The following DTNA variants were observed in gnomAD, a reference collection of about 807,000 sequenced individuals.
The protein encoded by DTNA is dystrobrevin alpha, also known as dystrophin-related protein 3.
A neutral mutation model predicts 100.7 loss-of-function variants in DTNA; 43 were observed. The observed-to-expected ratio is 0.43, with a 90% CI of 0.33 to 0.55. The LOEUF (loss-of-function observed/expected upper bound fraction) is 0.55. DTNA is among the 20% of genes least tolerant of loss of function. DTNA has a pLI of 0.04. For missense variants in DTNA, 798 were observed against 953.9 expected (o/e 0.84, Z 2.15); for synonymous variants, 349 against 347.9 (o/e 1.00, Z -0.04).
intron 3 of DTNA, among the ~76,000 whole-genome samples, chr18:34,782,308 A>G: frequency 6.6e-6 from 1 of 152,182 alleles, no homozygotes; most frequent in Non-Finnish European, 1.5e-5. Flanking sequence ...TATCTTCTGG[A>G]GAAACTGATG....
At position 34,888,862 on chromosome 18, in the gene DTNA, T is replaced by G; in HGVS notation, c.*1128T>G. ...TGCGCTTGCAAACGTTTGCTCTCCT[T>G]TTTTTCTGAATGTTGATTGCCTTAG... is the stretch of plus-strand genomic sequence containing the variant. On this transcript the variant is annotated 3_prime_UTR_variant, in exon 23 of 23. Transcript: ENST00000444659. 2.0e-6 allele frequency: 2 copies of G among 985,894 alleles called. No individual in the cohort carries two copies. The highest frequency in any genetic ancestry group is 2.4e-6 in the Non-Finnish European group (2 of 829,954). 61.1% of individuals were successfully genotyped at this position (985,894 alleles called of 1,614,324 possible).
Position 34,609,742 on chromosome 18 carries a change from C to T in DTNA, c.-2+116228C>T, listed in dbSNP as rs1182249950. ...CTACTTGCCTGTGATTTTGGACTCA[C>T]GTGATAACTGTCTAGTGTTCTACTG... On this transcript the variant is annotated intron_variant, in intron 1 of 19. Coordinates refer to the DTNA transcript ENST00000283365. Among the ~76,000 whole-genome samples the T allele has an allele frequency of 6.6e-5, 10 of 152,026 alleles. 1 individual carries two copies. Among genetic ancestry groups the T allele is most frequent in the Admixed American group, 6.6e-4 (10 of 15,246 alleles).
At chr18:34,838,663 CA>C in intron 12 of DTNA, 81 bp from the exon 13 acceptor site, 3 of 1,249,026 alleles carry the variant, frequency 2.4e-6, no homozygotes, top group Non-Finnish European at 2.4e-6. Context: ...CCTTTTCTAC[CA>C]AAAACTCACT....
intron 13 of DTNA, among the ~76,000 whole-genome samples, chr18:34,846,468 G>A (rs1004606389): frequency 2.2e-4 from 33 of 152,262 alleles, no homozygotes; most frequent in African/African-American, 7.2e-4. Context: ...GGAAAGAGAA[G>A]CCTCTTTTTC....
At chr18:34,858,244 C>A in intron 15 of DTNA, 41 bp from the exon 16 acceptor site, 1 of 1,583,514 alleles carries the variant, frequency 6.3e-7, no homozygotes, top group Non-Finnish European at 8.7e-7. Context: ...TTCCTGAAAG[C>A]TAACTAACCT....
chr18:34,676,850 GA>G (rs2077462843), intron 1 of DTNA, among the ~76,000 whole-genome samples: 1 of 152,152 alleles, frequency 6.6e-6, no homozygotes, highest in South Asian at 2.1e-4. Context: ...GAGAGGGAGA[GA>G]ATGGAGAAAG....
intron 1 of DTNA, among the ~76,000 whole-genome samples, chr18:34,632,725 T>C (rs2058220485): frequency 6.6e-6 from 1 of 152,218 alleles, no homozygotes; most frequent in African/African-American, 2.4e-5. Flanking sequence ...TACAGAAATC[T>C]TAATTTTAAT....
chr18:34,553,029 C>T (rs1485270896), intron 1 of DTNA, among the ~76,000 whole-genome samples: 2 of 150,884 alleles, frequency 1.3e-5, no homozygotes, highest in Non-Finnish European at 3.0e-5. Flanking sequence ...CCACATCCTC[C>T]CCAGCACCTG....
chr18:34,790,569 T>A (rs866936257), intron 3 of DTNA, among the ~76,000 whole-genome samples: 15 of 102,366 alleles, frequency 1.5e-4, no homozygotes, highest in African/African-American at 7.1e-4. Context: ...ATATATATAT[T>A]TTTTTTTTTT....
At chr18:34,603,395 T>G (rs531056313) in intron 1 of DTNA, among the ~76,000 whole-genome samples, 40 of 151,748 alleles carry the variant, frequency 2.6e-4, no homozygotes, top group African/African-American at 8.0e-4. Context: ...GCACTTTATT[T>G]TCATTCTCTT....
chr18:34,533,846 G>A (rs1601575361), intron 1 of DTNA, among the ~76,000 whole-genome samples: 2 of 152,052 alleles, frequency 1.3e-5, no homozygotes, highest in African/African-American at 4.8e-5. Context: ...TATGACAATC[G>A]TTCTAAAAAT....
chr18:34,836,615 T>TCCAGC (rs1480216405), intron 11 of DTNA, among the ~76,000 whole-genome samples: 14 of 131,394 alleles, frequency 1.1e-4, no homozygotes, highest in Non-Finnish European at 2.0e-4. Flanking sequence ...ACCACTGCAC[T>TCCAGC]CCAGCCTGTG....
intron 1 of DTNA, among the ~76,000 whole-genome samples, chr18:34,639,886 A>T (rs1302872027): frequency 6.6e-6 from 1 of 152,248 alleles, no homozygotes; most frequent in African/African-American, 2.4e-5. Context: ...TAACAACAGC[A>T]GAAGTTGCAA....
At position 34,888,810 on chromosome 18, in the gene DTNA, T is replaced by G; in HGVS notation, c.*1076T>G. 3.0e-6 allele frequency: 3 copies of G among 985,890 alleles called. No individual in the cohort carries two copies. The highest frequency in any genetic ancestry group is 3.6e-6 in the Non-Finnish European group (3 of 829,948). 61.1% of individuals were successfully genotyped at this position (985,890 alleles called of 1,614,324 possible). On this transcript the variant is annotated 3_prime_UTR_variant, in exon 23 of 23. Coordinates refer to ENST00000444659, the MANE Select transcript of DTNA (RefSeq NM_001386795.1). ...TCCCCCATCAAGTTGTTTGGAGGCC[T>G]TCAGCTTTAAATGTACAGGCTTAAA... is the stretch of plus-strand genomic sequence containing the variant.
chr18:34,642,199 A>G (rs114053858), intron 1 of DTNA, among the ~76,000 whole-genome samples: 1,729 of 152,260 alleles, frequency 0.011, 31 homozygotes, highest in African/African-American at 0.04. Context: ...CCTCTAGGGC[A>G]TCCTAGAGCC....
intron 1 of DTNA, among the ~76,000 whole-genome samples, chr18:34,494,538 G>T (rs1410046729): frequency 1.3e-5 from 2 of 152,174 alleles, no homozygotes; most frequent in African/African-American, 4.8e-5. Context: ...GAGAGAAGAG[G>T]GGTGGCGACG....
chr18:34,858,741 G>A (rs2096581529), intron 16 of DTNA, among the ~76,000 whole-genome samples: 1 of 152,158 alleles, frequency 6.6e-6, no homozygotes. Context: ...CCTCCCAAGA[G>A]CTAAGATTAC....
At chr18:34,813,490 C>G (rs1456429256) in intron 6 of DTNA, among the ~76,000 whole-genome samples, 2 of 149,574 alleles carry the variant, frequency 1.3e-5, no homozygotes, top group African/African-American at 4.9e-5. Context: ...ATGCATACAA[C>G]AAATGCTCAC....
chr18:34,782,707 A>C (rs1434062751), intron 3 of DTNA, among the ~76,000 whole-genome samples: 2 of 152,210 alleles, frequency 1.3e-5, no homozygotes, highest in Non-Finnish European at 2.9e-5. Flanking sequence ...GCTAGAGCAT[A>C]GGACTCTTGG....
Sources: gnomAD v4.1 joint callset for allele counts (sites outside exome capture counted in the v4.1 genomes callset) on GRCh38, gnomAD v4.1.1 for gene constraint, MANE v1.5 for transcripts, NCBI Gene and HGNC (gene_info 2026-07-23, HGNC 2026-07-21) for gene names.